PLEKHH2: variants seen among roughly 807,000 people sequenced by gnomAD.
The protein encoded by PLEKHH2 is pleckstrin homology domain-containing family H member 2.
A neutral mutation model predicts 187.9 loss-of-function variants in PLEKHH2; 129 were observed. The observed-to-expected ratio is 0.69, with a 90% CI of 0.59 to 0.79. PLEKHH2 has a LOEUF of 0.79. Ranked by LOEUF, PLEKHH2 falls within the 30% of genes least tolerant of loss-of-function variation. PLEKHH2 has a pLI of 0.00. For missense variants in PLEKHH2, 2,076 were observed against 1,751.2 expected (o/e 1.19, Z -3.31); for synonymous variants, 686 against 605.6 (o/e 1.13, Z -1.95).
chr2:43,754,928 A>G (rs960364931), intron 25 of PLEKHH2, among the ~76,000 whole-genome samples: 2 of 143,888 alleles, frequency 1.4e-5, no homozygotes, highest in South Asian at 4.4e-4. Flanking sequence ...GCTGGAGTGA[A>G]GTGGCACAAT....
chr2:43,689,370 G>A lies in PLEKHH2; in HGVS notation c.187-3144G>A, dbSNP rs540102919. Among the ~76,000 whole-genome samples the A allele has an allele frequency of 2.3e-4, 35 of 152,318 alleles. No homozygotes were observed. In the South Asian group the frequency reaches 6.6e-3, roughly 29 times the overall value. Reference sequence around the variant, plus strand: ...AAGCATTCCACACTGGAGGCTATCCGTGTATACACATTTGTGAGGGTTTAT... The same window carrying A: ...AAGCATTCCACACTGGAGGCTATCCATGTATACACATTTGTGAGGGTTTAT... On this transcript the variant is annotated intron_variant, in intron 3 of 29. Transcript: ENST00000282406.
At chr2:43,678,418 C>A (rs545688776) in intron 2 of PLEKHH2, among the ~76,000 whole-genome samples, 1 of 152,080 alleles carries the variant, frequency 6.6e-6, no homozygotes, top group Non-Finnish European at 1.5e-5. Context: ...AGCCTGGGCA[C>A]CATTGAGCAC....
At chr2:43,639,077 G>A (rs1285385176) in intron 1 of PLEKHH2, among the ~76,000 whole-genome samples, 2 of 152,190 alleles carry the variant, frequency 1.3e-5, no homozygotes, top group African/African-American at 4.8e-5. Context: ...TAAGATATAT[G>A]TATGATACTT....
chr2:43,670,913 G>A (rs1380834363), intron 2 of PLEKHH2, among the ~76,000 whole-genome samples: 1 of 151,338 alleles, frequency 6.6e-6, no homozygotes. Flanking sequence ...AGTATTTTAT[G>A]GTTTTGATGC....
chr2:43,671,401 A>G (rs1490711228), intron 2 of PLEKHH2, among the ~76,000 whole-genome samples: 1 of 152,202 alleles, frequency 6.6e-6, no homozygotes, highest in Non-Finnish European at 1.5e-5. Context: ...CTTTATGTGT[A>G]GATACTCATG....
intron 2 of PLEKHH2, among the ~76,000 whole-genome samples, chr2:43,652,728 A>G (rs1298314856): frequency 6.6e-6 from 1 of 152,242 alleles, no homozygotes; most frequent in African/African-American, 2.4e-5. Context: ...AAACCTACGT[A>G]TCACATCATG....
chr2:43,754,196 ACAC>A lies in PLEKHH2; in HGVS notation c.3795+437_3795+439del, dbSNP rs1228002812. On this transcript the variant is annotated intron_variant, in intron 25 of 29. Coordinates refer to ENST00000282406, the MANE Select transcript of PLEKHH2 (RefSeq NM_172069.4). ...CACACACACACACACACACACACAC[ACAC>A]ACACACAAAATTAATACTGACTTAA... 9.0e-3 allele frequency among the ~76,000 whole-genome samples: 1,046 copies of A among 116,622 alleles called. 18 individuals carry two copies. Among genetic ancestry groups the A allele is most frequent in the South Asian group, 0.042 (143 of 3,372 alleles). 76.5% of individuals were successfully genotyped at this position (116,622 alleles called of 152,430 possible). A position where few individuals can be genotyped will look rare whatever the true frequency, so the allele number is the denominator to read the frequency against.
intron 2 of PLEKHH2, among the ~76,000 whole-genome samples, chr2:43,671,239 G>A (rs1007055115): frequency 2.0e-5 from 3 of 151,860 alleles, no homozygotes; most frequent in African/African-American, 4.8e-5. Context: ...CACCCACCTC[G>A]GCCTCCCAAA....
At chr2:43,702,409 A>AT (rs1294280325) in intron 8 of PLEKHH2, among the ~76,000 whole-genome samples, 1 of 151,982 alleles carries the variant, frequency 6.6e-6, no homozygotes, top group East Asian at 1.9e-4. Flanking sequence ...CTGGAATTCT[A>AT]ATTATGTTAT....
intron 2 of PLEKHH2, among the ~76,000 whole-genome samples, chr2:43,648,299 C>T (rs1666282865): frequency 6.6e-6 from 1 of 151,958 alleles, no homozygotes; most frequent in Admixed American, 6.6e-5. Flanking sequence ...AGCGATTCTT[C>T]TGCCTCAGCC....
At chr2:43,699,552 A>T in intron 7 of PLEKHH2, 95 bp from the exon 8 acceptor site, 1 of 1,435,810 alleles carries the variant, frequency 7.0e-7, no homozygotes, top group East Asian at 2.3e-5. Context: ...AAATTTCTAC[A>T]GTGTCAATTT....
At chr2:43,704,446 A>C (rs7584546) in intron 9 of PLEKHH2, among the ~76,000 whole-genome samples, 1 of 151,634 alleles carries the variant, frequency 6.6e-6, no homozygotes, top group Non-Finnish European at 1.5e-5. Flanking sequence ...CAGATCACGA[A>C]GTCAGGAGAT....
intron 24 of PLEKHH2, among the ~76,000 whole-genome samples, chr2:43,752,528 G>A (rs546332728): frequency 6.6e-6 from 1 of 152,144 alleles, no homozygotes; most frequent in African/African-American, 2.4e-5. Flanking sequence ...AATGATAGGG[G>A]TGTGTCCTCT....
At position 43,762,313 on chromosome 2, in the gene PLEKHH2, C is replaced by A; in HGVS notation, c.4081C>A (p.Pro1361Thr). 1 of 1,610,828 alleles carries A rather than the reference C, an allele frequency of 6.2e-7. No homozygotes were observed. Among genetic ancestry groups the A allele is most frequent in the Non-Finnish European group, 8.5e-7 (1 of 1,177,120 alleles). The change falls in exon 28 of 30, where the codon CCA (proline) becomes ACA (threonine). Residue 1361 changes from proline to threonine, a missense_variant. Physicochemically the swap from Pro to Thr is conservative, Grantham distance 38. Coordinates refer to ENST00000282406, the MANE Select transcript of PLEKHH2 (RefSeq NM_172069.4). The stretch of plus-strand genomic sequence containing the variant: ...TTTCACCTCTTCATAGCCCATAACT[C>A]CATCATCACTTGGAAGTACTTTCTT... ...AKLFLAKPIT[P>T]SSLGSTFLWL...
intron 24 of PLEKHH2, among the ~76,000 whole-genome samples, chr2:43,751,439 G>A (rs1672006133): frequency 6.6e-6 from 1 of 152,214 alleles, no homozygotes; most frequent in Admixed American, 6.5e-5. Flanking sequence ...GCAACAGTAG[G>A]AAATAAATGC....
intron 4 of PLEKHH2, among the ~76,000 whole-genome samples, chr2:43,693,575 T>A (rs564696476): frequency 1.3e-5 from 2 of 151,950 alleles, no homozygotes; most frequent in South Asian, 4.2e-4. Context: ...GTACAAAAAA[T>A]TAGCCGGGCG....
chr2:43,745,900 C>A lies in PLEKHH2; in HGVS notation c.3590C>A (p.Ser1197Tyr), dbSNP rs749733246. Residue 1197 changes from serine to tyrosine, a missense_variant, in exon 24 of 30, where the codon TCC (serine) becomes TAC (tyrosine). Physicochemically the swap from Ser to Tyr is moderately radical, Grantham distance 144. Transcript: ENST00000282406. The stretch of plus-strand genomic sequence containing the variant: ...ATTATTTCCAAATGGGAACAGGCTT[C>A]CAAAGAACAGCAGCCTGGAAAATGT... ...CDIISKWEQASKEQQPGKCEG... is the reference protein window; with the variant it reads ...CDIISKWEQAYKEQQPGKCEG... The A allele has an allele frequency of 6.2e-7, 1 of 1,612,814 alleles. No homozygotes were observed. Among genetic ancestry groups the A allele is most frequent in the South Asian group, 1.1e-5 (1 of 90,778 alleles).
intron 2 of PLEKHH2, among the ~76,000 whole-genome samples, chr2:43,650,740 G>T (rs550782670): frequency 6.6e-6 from 1 of 151,618 alleles, no homozygotes; most frequent in Non-Finnish European, 1.5e-5. Flanking sequence ...CCACCTCCCG[G>T]GTTCAAGCAA....
Position 43,762,259 on chromosome 2 carries a change from T to C in PLEKHH2, c.4072-45T>C, listed in dbSNP as rs17031411. The stretch of plus-strand genomic sequence containing the variant: ...TTTAGACTGAAAAATATTCCTGTAA[T>C]TTTGCTTAGTATTTATAATATAGTG... On this transcript the variant is annotated intron_variant, in intron 27 of 29. Transcript: ENST00000282406. 1.4e-3 allele frequency: 1,882 copies of C among 1,373,510 alleles called. 43 individuals carry two copies. The East Asian group carries it at 0.041, about 30-fold the overall frequency. 85.1% of individuals were successfully genotyped at this position (1,373,510 alleles called of 1,614,324 possible).
Sources: gnomAD v4.1 joint callset for allele counts (sites outside exome capture counted in the v4.1 genomes callset) on GRCh38, gnomAD v4.1.1 for gene constraint, MANE v1.5 for transcripts, NCBI Gene and HGNC (gene_info 2026-07-23, HGNC 2026-07-21) for gene names.